PIK3CA: variants seen among roughly 807,000 people sequenced by gnomAD.
The protein encoded by PIK3CA is phosphatidylinositol 4,5-bisphosphate 3-kinase catalytic subunit alpha isoform.
A neutral mutation model predicts 138.2 loss-of-function variants in PIK3CA; 27 were observed. The ratio of observed to expected loss-of-function variants is 0.20; its 90% CI spans 0.14 to 0.27. The LOEUF (loss-of-function observed/expected upper bound fraction) is 0.27. Ranked by LOEUF, PIK3CA falls within the 10% of genes least tolerant of loss-of-function variation. The pLI, the probability that PIK3CA is intolerant of heterozygous loss-of-function variation, is 1.00. For synonymous variants in PIK3CA, 358 were observed against 413.2 expected, an observed-to-expected ratio of 0.87 and a Z score of 1.62; for missense variants, 544 against 1,277.4, an observed-to-expected ratio of 0.43 and a Z score of 8.75.
At chr3:179,152,340 A>T (rs1257141139) in intron 1 of PIK3CA, among the ~76,000 whole-genome samples, 1 of 152,138 alleles carries the variant, frequency 6.6e-6, no homozygotes, top group Non-Finnish European at 1.5e-5. Context: ...TTTCACCACA[A>T]ACATTTGGGC....
Position 179,199,047 on chromosome 3 carries a change from T to G in PIK3CA, c.222T>G (p.Thr74=). The G allele has an allele frequency of 6.2e-7, 1 of 1,613,738 alleles. No individual in the cohort carries two copies. Among genetic ancestry groups the G allele is most frequent in the Non-Finnish European group, 8.5e-7 (1 of 1,179,814 alleles). The change falls in exon 2 of 21, where the codon ACT becomes ACG. Residue 74 remains threonine, a synonymous_variant. Coordinates refer to ENST00000263967, the MANE Select transcript of PIK3CA (RefSeq NM_006218.4). ...DESSYIFVSV[T]QEAEREEFFD... Reference sequence around the variant, plus strand: ...CTTCTTACATTTTCGTAAGTGTTACTCAAGAAGCAGAAAGGGAAGAATTTT... The same window carrying G: ...CTTCTTACATTTTCGTAAGTGTTACGCAAGAAGCAGAAAGGGAAGAATTTT...
At chr3:179,201,855 C>G (rs1006154352) in intron 4 of PIK3CA, among the ~76,000 whole-genome samples, 2 of 152,098 alleles carry the variant, frequency 1.3e-5, no homozygotes, top group African/African-American at 4.8e-5. Context: ...ATCCACTCTC[C>G]GTGGCTTCCC....
At chr3:179,187,884 G>A (rs1438593667) in intron 1 of PIK3CA, among the ~76,000 whole-genome samples, 2 of 152,156 alleles carry the variant, frequency 1.3e-5, no homozygotes, top group South Asian at 2.1e-4. Context: ...TGATCCGCCC[G>A]CCTCGGCCTC....
rs576644819 is a variant in PIK3CA, at chr3:179,199,542, C to T, written c.353-148C>T. The T allele has an allele frequency of 5.7e-5, 30 of 530,850 alleles. No homozygotes were observed. In the South Asian group the frequency reaches 9.2e-4, roughly 16 times the overall value. The allele number at this position is 530,850 out of a possible 1,614,324, so 32.9% of individuals were successfully genotyped here. ...GGACTGTCAACTTTTAATATATATG[C>T]ATTCATCAAAAATTTGTTTTAACCT... On this transcript the variant is annotated intron_variant, in intron 2 of 20. Coordinates refer to ENST00000263967, the MANE Select transcript of PIK3CA (RefSeq NM_006218.4).
intron 1 of PIK3CA, among the ~76,000 whole-genome samples, chr3:179,173,421 A>C (rs888447286): frequency 3.3e-5 from 5 of 149,928 alleles, no homozygotes; most frequent in African/African-American, 9.8e-5. Flanking sequence ...AAAAAAAAAA[A>C]AAAAAAACTT....
At chr3:179,181,039 GT>G (rs1723831164) in intron 1 of PIK3CA, among the ~76,000 whole-genome samples, 1 of 152,032 alleles carries the variant, frequency 6.6e-6, no homozygotes, top group Non-Finnish European at 1.5e-5. Flanking sequence ...GTATTTGTGT[GT>G]TTTGTCCTGG....
At chr3:179,159,718 G>A (rs148453085) in intron 1 of PIK3CA, among the ~76,000 whole-genome samples, 1 of 152,264 alleles carries the variant, frequency 6.6e-6, no homozygotes, top group Non-Finnish European at 1.5e-5. Context: ...AATATGTTGT[G>A]AGAAATGCAT....
intron 1 of PIK3CA, among the ~76,000 whole-genome samples, chr3:179,170,244 A>G (rs565764406): frequency 3.1e-4 from 47 of 152,312 alleles, no homozygotes; most frequent in African/African-American, 1.1e-3. Context: ...ATCAATAGCT[A>G]TTTTTTTGCC....
chr3:179,209,728 GT>G, intron 7 of PIK3CA, 28 bp downstream of exon 7: 1 of 1,360,338 alleles, frequency 7.4e-7, no homozygotes, highest in Non-Finnish European at 1.0e-6. Flanking sequence ...GAACAATTAT[GT>G]TTACCTTTAA....
intron 9 of PIK3CA, among the ~76,000 whole-genome samples, chr3:179,216,126 A>G (rs1438728412): frequency 2.6e-5 from 4 of 152,224 alleles, no homozygotes; most frequent in African/African-American, 2.4e-5. Context: ...GAAGTTTATT[A>G]TATAAATGAA....
chr3:179,155,183 T>G (rs1295740832), intron 1 of PIK3CA, among the ~76,000 whole-genome samples: 4 of 152,214 alleles, frequency 2.6e-5, no homozygotes, highest in African/African-American at 7.2e-5. Flanking sequence ...AAGGCACTAT[T>G]ATGAAGAGGA....
chr3:179,148,239 A>G (rs1722902310), upstream of PIK3CA: 1 of 151,438 alleles, frequency 6.6e-6, no homozygotes, highest in Admixed American at 6.6e-5. Context: ...AAAAGAGACC[A>G]ATAAAGTTTA....
At position 179,230,550 on chromosome 3, in the gene PIK3CA, T is replaced by C. The variant is rs918649043; in HGVS notation, c.2936+174T>C. ...CTGGAGGATCACTTGAGCTCAGGAA[T>C]TGAAACCAGCCTGGGTAACATAGAG... is the stretch of plus-strand genomic sequence containing the variant. On this transcript the variant is annotated intron_variant, in intron 20 of 20. Coordinates refer to ENST00000263967, the MANE Select transcript of PIK3CA (RefSeq NM_006218.4). This position sits in a 1 kb window ranked among gnomAD's most constrained non-coding sequence, Gnocchi z 5.4. Among the ~76,000 whole-genome samples, 1 of 152,222 alleles carries C rather than the reference T, an allele frequency of 6.6e-6. No homozygotes were observed. Among genetic ancestry groups the C allele is most frequent in the East Asian group, 1.9e-4 (1 of 5,166 alleles).
At chr3:179,190,038 G>A (rs1366180092) in intron 1 of PIK3CA, among the ~76,000 whole-genome samples, 1 of 152,190 alleles carries the variant, frequency 6.6e-6, no homozygotes, top group Non-Finnish European at 1.5e-5. Flanking sequence ...CCAGAAAATT[G>A]TACTGAAGGA....
intron 17 of PIK3CA, among the ~76,000 whole-genome samples, chr3:179,226,871 A>C (rs564354527): frequency 3.0e-4 from 46 of 152,218 alleles, no homozygotes; most frequent in African/African-American, 9.9e-4. Flanking sequence ...GTAACTCCTG[A>C]TACGTAGCTT....
chr3:179,193,513 C>T (rs1033233977), intron 1 of PIK3CA, among the ~76,000 whole-genome samples: 2 of 152,196 alleles, frequency 1.3e-5, no homozygotes, highest in Non-Finnish European at 2.9e-5. Context: ...AAATGTACCC[C>T]CAAGTCTCCA....
intron 1 of PIK3CA, among the ~76,000 whole-genome samples, chr3:179,176,991 G>C (rs1723713438): frequency 6.6e-6 from 1 of 152,110 alleles, no homozygotes; most frequent in African/African-American, 2.4e-5. Flanking sequence ...AGTATGGTAG[G>C]TTTAAAAATG....
chr3:179,165,828 C>CT (rs1469582957), intron 1 of PIK3CA, among the ~76,000 whole-genome samples: 1 of 152,112 alleles, frequency 6.6e-6, no homozygotes, highest in Admixed American at 6.5e-5. Flanking sequence ...GGTTCACAGC[C>CT]TTTTTTGCTA....
At chr3:179,170,807 T>G (rs920500808) in intron 1 of PIK3CA, among the ~76,000 whole-genome samples, 1 of 152,142 alleles carries the variant, frequency 6.6e-6, no homozygotes. Context: ...AAACAAAGAT[T>G]GATAGAACTG....
Sources: allele counts gnomAD v4.1 joint callset (sites outside exome capture counted in the v4.1 genomes callset), GRCh38; gene constraint gnomAD v4.1.1; non-coding constraint Gnocchi (gnomAD v3.1); transcripts MANE v1.5; gene names NCBI Gene and HGNC (gene_info 2026-07-23, HGNC 2026-07-21).